SCN11A: variants seen among roughly 807,000 people sequenced by gnomAD.
SCN11A encodes the protein sodium channel protein type 11 subunit alpha.
In SCN11A, 122 loss-of-function variants were observed where a neutral mutation model predicts 162.2. That is an observed-to-expected ratio of 0.75 (90% CI 0.65 to 0.87). The LOEUF is 0.87. Among genes scored for constraint, SCN11A ranks in the 40% least tolerant of loss-of-function variants. The pLI, the probability that SCN11A is intolerant of heterozygous loss-of-function variation, is 0.00. For synonymous variants in SCN11A, 758 were observed against 751.5 expected (o/e 1.01, Z -0.14); for missense variants, 2,015 against 2,181.6 (o/e 0.92, Z 1.52).
chr3:38,909,097 G>GT lies in SCN11A; in HGVS notation c.1198dup (p.Thr400AsnfsTer5). ...CTTGTTCTGCTCCTCATATGCCATGGTAACAACAGCCAGGGTTAAGTTAAT... is the reference window on the plus strand; with the variant it reads ...CTTGTTCTGCTCCTCATATGCCATGGTTAACAACAGCCAGGGTTAAGTTAAT... On this transcript the variant is annotated frameshift_variant, in exon 13 of 30. Transcript: ENST00000302328. LOFTEE classifies it high-confidence loss of function. 1 of 1,614,048 alleles carries GT rather than the reference G, an allele frequency of 6.2e-7. No homozygotes were observed. The highest frequency in any genetic ancestry group is 8.5e-7 in the Non-Finnish European group (1 of 1,179,988).
chr3:38,993,547 C>T lies in SCN11A; in HGVS notation c.-279-33124G>A, dbSNP rs76320552. Among the ~76,000 whole-genome samples the T allele has an allele frequency of 4.5e-3, 678 of 152,238 alleles. 1 individual carries two copies. Among genetic ancestry groups the T allele is most frequent in the Non-Finnish European group, 7.6e-3 (515 of 68,008 alleles). On this transcript the variant is annotated intron_variant, in intron 2 of 29. Coordinates refer to ENST00000302328, the MANE Select transcript of SCN11A (RefSeq NM_001349253.2). Reference sequence around the variant, plus strand: ...GAAACAAATCATGTGTTGATCGTAACATCAGGCCAAGAGGAACTTCTGGTC... The same window carrying T: ...GAAACAAATCATGTGTTGATCGTAATATCAGGCCAAGAGGAACTTCTGGTC...
chr3:38,928,148 T>A (rs926392594), intron 7 of SCN11A, among the ~76,000 whole-genome samples: 1 of 152,142 alleles, frequency 6.6e-6, no homozygotes. Context: ...ATATAAAAAA[T>A]TAACTCAATA....
Position 38,871,440 on chromosome 3 carries a change from C to A in SCN11A, c.3759+5G>T. ...CAGAGTGAAAAACATACTGACTGTACTTACCACTTGCAGCAGAGCGAGGTA... is the reference window on the plus strand; with the variant it reads ...CAGAGTGAAAAACATACTGACTGTAATTACCACTTGCAGCAGAGCGAGGTA... On this transcript the variant is annotated splice_donor_5th_base_variant and intron_variant, in intron 25 of 29. Coordinates refer to ENST00000302328, the MANE Select transcript of SCN11A (RefSeq NM_001349253.2). 8 of 1,596,022 alleles carry A rather than the reference C, an allele frequency of 5.0e-6. No individual in the cohort carries two copies. Among genetic ancestry groups the A allele is most frequent in the Non-Finnish European group, 6.8e-6 (8 of 1,172,348 alleles).
At position 38,871,600 on chromosome 3, in the gene SCN11A, C is replaced by G; in HGVS notation, c.3604G>C (p.Gly1202Arg). Reference sequence around the variant, plus strand: ...CCATTAATGCATTTCCCAAATTTTCCAGAAAAGAAGTATACTCCCAGAATA... The same window carrying G: ...CCATTAATGCATTTCCCAAATTTTCGAGAAAAGAAGTATACTCCCAGAATA... Reference protein sequence around the residue: ...FCILGVYFFSGKFGKCINGTD... With the variant: ...FCILGVYFFSRKFGKCINGTD... Residue 1202 changes from glycine to arginine, a missense_variant, in exon 25 of 30, where the codon GGA becomes CGA. Coordinates refer to ENST00000302328, the MANE Select transcript of SCN11A (RefSeq NM_001349253.2). 1 of 1,612,826 alleles carries G rather than the reference C, an allele frequency of 6.2e-7. No homozygotes were observed. Among genetic ancestry groups the G allele is most frequent in the Non-Finnish European group, 8.5e-7 (1 of 1,179,288 alleles).
intron 7 of SCN11A, among the ~76,000 whole-genome samples, chr3:38,936,541 A>G (rs1437760264): frequency 6.6e-6 from 1 of 151,576 alleles, no homozygotes; most frequent in East Asian, 1.9e-4. Context: ...TACAAAATCA[A>G]TGTACAAAAA....
At position 39,023,280 on chromosome 3, in the gene SCN11A, G is replaced by A. The variant is rs114389343; in HGVS notation, c.-280+9100C>T. Among the ~76,000 whole-genome samples, 587 of 152,232 alleles carry A rather than the reference G, an allele frequency of 3.9e-3. 3 individuals are homozygous for A. The highest frequency in any genetic ancestry group is 6.2e-3 in the South Asian group (30 of 4,816). On this transcript the variant is annotated intron_variant, in intron 2 of 29. Coordinates refer to ENST00000302328, the MANE Select transcript of SCN11A (RefSeq NM_001349253.2). Reference sequence around the variant, plus strand: ...TCTATTACTTTTGCATATGTTTGAAGTTTCCATAATAAAAAAGCATTTAAA... The same window carrying A: ...TCTATTACTTTTGCATATGTTTGAAATTTCCATAATAAAAAAGCATTTAAA...
chr3:39,049,264 T>C (rs2032260661), intron 1 of SCN11A, among the ~76,000 whole-genome samples: 1 of 152,264 alleles, frequency 6.6e-6, no homozygotes, highest in South Asian at 2.1e-4. Flanking sequence ...TAAGACAAGA[T>C]ACTTCTCAGT....
At chr3:39,003,393 G>C (rs1007672631) in intron 2 of SCN11A, among the ~76,000 whole-genome samples, 24 of 152,200 alleles carry the variant, frequency 1.6e-4, no homozygotes, top group Non-Finnish European at 5.9e-5. Flanking sequence ...AGTATTCCAT[G>C]ATGTATATGT....
intron 11 of SCN11A, among the ~76,000 whole-genome samples, chr3:38,911,301 T>C (rs901415817): frequency 2.6e-5 from 4 of 152,212 alleles, no homozygotes; most frequent in African/African-American, 7.2e-5. Flanking sequence ...TGGCCAGAAA[T>C]AGAATTCTGA....
At position 38,872,250 on chromosome 3, in the gene SCN11A, G is replaced by A. The variant is rs780744860; in HGVS notation, c.3438C>T (p.Phe1146=). The A allele has an allele frequency of 8.1e-6, 13 of 1,610,294 alleles. No individual in the cohort carries two copies. Among genetic ancestry groups the A allele is most frequent in the Middle Eastern group, 1.6e-4 (1 of 6,062 alleles). ...GAGGCCTCAGTGCTCGTAGAGTCCG[G>A]AAGGACTTCAATTCCATTAAGTTAA... The part of the protein sequence containing the change: ...TLINLMELKS[F]RTLRALRPLR... Residue 1146 remains phenylalanine (F), a synonymous_variant, in exon 24 of 30, where the codon TTC becomes TTT. Coordinates refer to ENST00000302328, the MANE Select transcript of SCN11A (RefSeq NM_001349253.2).
chr3:38,847,103 G>A lies in SCN11A; in HGVS notation c.4967C>T (p.Pro1656Leu). 1 of 1,614,172 alleles carries A rather than the reference G, an allele frequency of 6.2e-7. No individual in the cohort carries two copies. Among genetic ancestry groups the A allele is most frequent in the South Asian group, 1.1e-5 (1 of 91,082 alleles). The change falls in exon 30 of 30, where the codon CCT (proline) becomes CTT (leucine). Residue 1656 changes from proline (P) to leucine (L), a missense_variant. Pro to Leu is a moderately conservative substitution (Grantham distance 98, BLOSUM62 -3). Transcript: ENST00000302328. Reference protein sequence around the residue: ...LSDFADALPEPLRVAKPNKYQ... With the variant: ...LSDFADALPELLRVAKPNKYQ... ...TTTATTTGGCTTTGCGACACGCAAAGGCTCAGGCAAGGCATCAGCAAAGTC... is the reference window on the plus strand; with the variant it reads ...TTTATTTGGCTTTGCGACACGCAAAAGCTCAGGCAAGGCATCAGCAAAGTC...
chr3:38,898,873 G>C (rs1485801196), intron 17 of SCN11A, among the ~76,000 whole-genome samples: 2 of 151,952 alleles, frequency 1.3e-5, no homozygotes, highest in Non-Finnish European at 2.9e-5. Flanking sequence ...TTCTCATACA[G>C]AGACAATGCC....
intron 8 of SCN11A, among the ~76,000 whole-genome samples, 162 bp downstream of exon 8, chr3:38,926,641 G>A (rs2066145773): frequency 6.6e-6 from 1 of 152,120 alleles, no homozygotes; most frequent in Admixed American, 6.6e-5. Context: ...CTGGCCAATT[G>A]GCTGCACGTG....
intron 28 of SCN11A, among the ~76,000 whole-genome samples, chr3:38,851,821 G>A (rs955304446): frequency 1.3e-5 from 2 of 152,172 alleles, no homozygotes; most frequent in Non-Finnish European, 2.9e-5. Flanking sequence ...GGTGGTGACA[G>A]CAGATAAAGA....
intron 23 of SCN11A, among the ~76,000 whole-genome samples, chr3:38,877,729 A>G (rs1352010945): frequency 8.4e-6 from 1 of 118,892 alleles, no homozygotes; most frequent in Admixed American, 9.1e-5. Context: ...TACTATATAT[A>G]TGGTATATAT....
At chr3:39,013,060 G>C (rs1386191338) in intron 2 of SCN11A, among the ~76,000 whole-genome samples, 2 of 152,110 alleles carry the variant, frequency 1.3e-5, no homozygotes, top group Admixed American at 1.3e-4. Context: ...TTGATGAGCT[G>C]CTATTAGAGG....
In SCN11A at chr3:38,972,323, C is replaced by T. The variant is rs561711201; in HGVS notation, c.-279-11900G>A. On this transcript the variant is annotated intron_variant, in intron 2 of 29. Transcript: ENST00000302328. ...CCACCATTCACCCTCCAGCTTCCTC[C>T]GGTGACCCAGGTCCTTTTACCTATG... Among the ~76,000 whole-genome samples, 4 of 152,268 alleles carry T rather than the reference C, an allele frequency of 2.6e-5. No homozygotes were observed. The South Asian group carries it at 8.3e-4, about 32-fold the overall frequency.
In SCN11A at chr3:39,014,847, T is replaced by C. The variant is rs574606234; in HGVS notation, c.-280+17533A>G. Among the ~76,000 whole-genome samples the C allele has an allele frequency of 1.9e-3, 296 of 152,348 alleles. 3 individuals are homozygous for C. The highest frequency in any genetic ancestry group is 6.5e-3 in the African/African-American group (269 of 41,572). ...AATGATGGAAGGGCTTCTGTGTAATTGATCTACCATCAGGTGGCTGGCTGG... is the reference window on the plus strand; with the variant it reads ...AATGATGGAAGGGCTTCTGTGTAATCGATCTACCATCAGGTGGCTGGCTGG... On this transcript the variant is annotated intron_variant, in intron 2 of 29. Transcript: ENST00000302328.
At chr3:38,902,504 A>C (rs73826399) in intron 16 of SCN11A, among the ~76,000 whole-genome samples, 3 of 148,942 alleles carry the variant, frequency 2.0e-5, no homozygotes, top group Non-Finnish European at 4.4e-5. Flanking sequence ...CAGGTACCTG[A>C]CTCTAGTGCA....
Sources: gnomAD v4.1 joint callset for allele counts (sites outside exome capture counted in the v4.1 genomes callset) on GRCh38, gnomAD v4.1.1 for gene constraint, MANE v1.5 for transcripts, NCBI Gene and HGNC (gene_info 2026-07-23, HGNC 2026-07-21) for gene names.